Variants in TMEM67 observed in about 807,000 individuals in gnomAD.
TMEM67 encodes transmembrane protein 67, also known as meckelin.
Under a neutral mutation model 136.6 loss-of-function variants are expected in TMEM67, and 124 were observed. The observed-to-expected ratio is 0.91, with a 90% CI of 0.78 to 1.05. TMEM67 has a LOEUF of 1.05. TMEM67 is among the 50% of genes least tolerant of loss of function. The probability of loss-of-function intolerance (pLI) is 0.00; values close to 1 mark genes in which losing one functional copy is unlikely to be tolerated. For synonymous variants in TMEM67, 364 were observed against 390.5 expected (o/e 0.93, Z 0.80); for missense variants, 1,107 against 1,178.4 (o/e 0.94, Z 0.89).
intron 21 of TMEM67, among the ~76,000 whole-genome samples, chr8:93,802,786 C>T (rs1356460695): frequency 1.3e-5 from 2 of 152,162 alleles, no homozygotes; most frequent in Non-Finnish European, 2.9e-5. Context: ...TGTAGGAAAA[C>T]ATTTTCAGCA....
chr8:93,829,500 A>T, the TMEM67 span, among the ~76,000 whole-genome samples: 1 of 151,680 alleles, frequency 6.6e-6, no homozygotes, highest in Admixed American at 6.6e-5. Context: ...TACTCCTCTA[A>T]CTACCTCTAA....
chr8:93,781,091 A>G (rs1813804456), intron 9 of TMEM67, 109 bp downstream of exon 9: 4 of 743,372 alleles, frequency 5.4e-6, no homozygotes, highest in Non-Finnish European at 9.5e-6. Flanking sequence ...AAACTCAGTT[A>G]CTAAACTAAA....
intron 16 of TMEM67, among the ~76,000 whole-genome samples, chr8:93,794,145 C>G (rs552361931): frequency 9.8e-4 from 149 of 152,284 alleles, no homozygotes; most frequent in African/African-American, 3.0e-3. Flanking sequence ...CCACCTCAGC[C>G]TCCCAAAGTG....
At position 93,792,831 on chromosome 8, in the gene TMEM67, C is replaced by T. The variant is rs568533814; in HGVS notation, c.1576-367C>T. ...TGTCGCCCAGGCTGGAGTGCAGTGG[C>T]GCGATCTTGGTGGCTCACTGCAAGC... On this transcript the variant is annotated intron_variant, in intron 15 of 27. Coordinates refer to ENST00000453321, the MANE Select transcript of TMEM67 (RefSeq NM_153704.6). 1.6e-3 allele frequency among the ~76,000 whole-genome samples: 230 copies of T among 145,654 alleles called. 1 individual carries two copies. The highest frequency in any genetic ancestry group is 5.3e-3 in the African/African-American group (208 of 39,206).
At chr8:93,832,081 G>A in the TMEM67 span, among the ~76,000 whole-genome samples, 7 of 152,010 alleles carry the variant, frequency 4.6e-5, no homozygotes, top group African/African-American at 9.7e-5. Context: ...GTGCTCCTAG[G>A]GCCAACTTTC....
At chr8:93,818,882 A>C, downstream of TMEM67, 2 of 331,286 alleles carry the variant, frequency 6.0e-6, no homozygotes, top group South Asian at 2.5e-5. Context: ...GGCCCACTCT[A>C]ACCTCTGCCT....
chr8:93,806,405 G>A (rs73326942), intron 23 of TMEM67, among the ~76,000 whole-genome samples: 3,504 of 152,216 alleles, frequency 0.023, 131 homozygotes, highest in African/African-American at 0.08. Flanking sequence ...AGCATTTACA[G>A]ATGAAATGAC....
In TMEM67 at chr8:93,809,281, A is replaced by T. The variant is rs1808597287; in HGVS notation, c.2661+120A>T. ...CAGTAAACTTAGAACCCCCACCTTA[A>T]GACCTTCCCTTTTTTTGTCTGTCAC... is the stretch of plus-strand genomic sequence containing the variant. On this transcript the variant is annotated intron_variant, in intron 25 of 27. Transcript: ENST00000453321. The T allele has an allele frequency of 4.3e-6, 3 of 701,954 alleles. No individual in the cohort carries two copies. In the Admixed American group the frequency reaches 6.3e-5, roughly 15 times the overall value. 43.5% of individuals were successfully genotyped at this position (701,954 alleles called of 1,614,324 possible). A position where few individuals can be genotyped will look rare whatever the true frequency, so the allele number is the denominator to read the frequency against.
At chr8:93,771,563 A>C (rs2130617943) in intron 6 of TMEM67, among the ~76,000 whole-genome samples, 1 of 152,336 alleles carries the variant, frequency 6.6e-6, no homozygotes, top group East Asian at 1.9e-4. Flanking sequence ...GTTATTAACT[A>C]TATTGCTGTC....
rs767293125 is a variant in TMEM67 at position 93,758,452 on chromosome 8, A to T, written c.313-31A>T. Reference sequence around the variant, plus strand: ...TTAGAAGAAGAAAGTTAATTAAAAAAGAGAAAAGCATTTTTTTTCTTTTAA... The same window carrying T: ...TTAGAAGAAGAAAGTTAATTAAAAATGAGAAAAGCATTTTTTTTCTTTTAA... On this transcript the variant is annotated intron_variant, in intron 2 of 27. Coordinates refer to ENST00000453321, the MANE Select transcript of TMEM67 (RefSeq NM_153704.6). The T allele has an allele frequency of 4.5e-6, 7 of 1,551,496 alleles. No individual in the cohort carries two copies. The South Asian group carries it at 7.9e-5, about 17-fold the overall frequency.
downstream of TMEM67, among the ~76,000 whole-genome samples, chr8:93,822,931 T>C (rs1049660058): frequency 5.9e-5 from 9 of 152,236 alleles, no homozygotes; most frequent in African/African-American, 2.2e-4. Context: ...ATCTAAAGTA[T>C]ATAATGCCCT....
intron 10 of TMEM67, 45 bp from the exon 11 acceptor site, chr8:93,782,350 T>C (rs1813874438): frequency 6.7e-7 from 1 of 1,486,098 alleles, no homozygotes; most frequent in South Asian, 1.1e-5. Context: ...AGTATAAGAA[T>C]AGAAAACATT....
chr8:93,808,413 T>C (rs7002887), intron 23 of TMEM67, among the ~76,000 whole-genome samples: 1 of 57,036 alleles, frequency 1.8e-5, no homozygotes, highest in Non-Finnish European at 4.7e-5. Context: ...TATTTCTCTA[T>C]TATAGATATA....
At chr8:93,790,334 G>GTTTCTAAGAAACAGGAC (rs1814320131) in intron 14 of TMEM67, among the ~76,000 whole-genome samples, 1 of 151,970 alleles carries the variant, frequency 6.6e-6, no homozygotes, top group African/African-American at 2.4e-5. Context: ...TCTTGTTCCT[G>GTTTCTAAGAAACAGGAC]TTTCTAAGAA....
intron 3 of TMEM67, chr8:93,763,042 A>G: frequency 3.2e-6 from 1 of 315,566 alleles, no homozygotes; most frequent in South Asian, 2.3e-5. Flanking sequence ...CATGCCTCAG[A>G]CACTTGAGTA....
intron 26 of TMEM67, among the ~76,000 whole-genome samples, chr8:93,814,876 G>C (rs1482460299): frequency 6.6e-6 from 1 of 152,106 alleles, no homozygotes; most frequent in Non-Finnish European, 1.5e-5. Flanking sequence ...CAAAACCTCA[G>C]CGGGACTATT....
intron 26 of TMEM67, chr8:93,811,403 A>G (rs1450947142): frequency 6.6e-6 from 1 of 152,276 alleles, no homozygotes. Flanking sequence ...CAAACTTTAT[A>G]AAGTCTGATA....
At chr8:93,831,288 T>C in the TMEM67 span, among the ~76,000 whole-genome samples, 9 of 152,292 alleles carry the variant, frequency 5.9e-5, no homozygotes, top group Middle Eastern at 3.4e-3. Context: ...AATGGCCAGG[T>C]TAACAAGCAC....
intron 3 of TMEM67, among the ~76,000 whole-genome samples, chr8:93,760,875 A>T (rs895607864): frequency 2.6e-5 from 4 of 152,212 alleles, no homozygotes; most frequent in Non-Finnish European, 5.9e-5. Context: ...CCCAATTTTT[A>T]AAATAGCCAA....
Sources: gnomAD v4.1 joint callset for allele counts (sites outside exome capture counted in the v4.1 genomes callset) on GRCh38, gnomAD v4.1.1 for gene constraint, MANE v1.5 for transcripts, NCBI Gene and HGNC (gene_info 2026-07-23, HGNC 2026-07-21) for gene names.